Variants in IQCB1 observed in about 807,000 individuals in gnomAD.
The protein encoded by IQCB1 is IQ motif containing B1.
Under a neutral mutation model 84.4 loss-of-function variants are expected in IQCB1, and 56 were observed. That is an observed-to-expected ratio of 0.66 (90% CI 0.54 to 0.83). The LOEUF (loss-of-function observed/expected upper bound fraction) is 0.83, where lower values mean the gene tolerates loss of function less well. Ranked by LOEUF, IQCB1 falls within the 40% of genes least tolerant of loss-of-function variation. The pLI is 0.00. For synonymous variants in IQCB1, 210 were observed against 234.8 expected, an observed-to-expected ratio of 0.89 and a Z score of 0.96; for missense variants, 629 against 682.1, an observed-to-expected ratio of 0.92 and a Z score of 0.87.
chr3:121,828,476 A>T lies in IQCB1; in HGVS notation c.257T>A (p.Ile86Lys). The T allele has an allele frequency of 6.2e-7, 1 of 1,612,578 alleles. No individual in the cohort carries two copies. The highest frequency in any genetic ancestry group is 8.5e-7 in the Non-Finnish European group (1 of 1,178,714). ...GWTTISQLTQ[I>K]LSHCCVGLEP... Reference sequence around the variant, plus strand: ...ACTTACTGCTTTATTTTACCTTAATATCTGTGTAAGCTGGGAAATTGTAGT... The same window carrying T: ...ACTTACTGCTTTATTTTACCTTAATTTCTGTGTAAGCTGGGAAATTGTAGT... The change falls in exon 4 of 15, where the codon ATA becomes AAA. Residue 86 changes from isoleucine (I) to lysine (K), a missense_variant. Coordinates refer to ENST00000310864, the MANE Select transcript of IQCB1 (RefSeq NM_001023570.4).
chr3:121,782,822 G>C (rs937420135), intron 12 of IQCB1, among the ~76,000 whole-genome samples: 7 of 152,122 alleles, frequency 4.6e-5, no homozygotes, highest in African/African-American at 1.7e-4. Context: ...TGGGATTACA[G>C]GCATGCACCA....
At chr3:121,775,774 C>T (rs931591427) in intron 13 of IQCB1, among the ~76,000 whole-genome samples, 6 of 152,012 alleles carry the variant, frequency 3.9e-5, no homozygotes, top group African/African-American at 1.5e-4. Flanking sequence ...AAATAACATA[C>T]ACTAAACAAC....
chr3:121,826,637 T>C (rs1321460518), intron 4 of IQCB1, among the ~76,000 whole-genome samples: 2 of 152,144 alleles, frequency 1.3e-5, no homozygotes, highest in Non-Finnish European at 2.9e-5. Flanking sequence ...CATACCAATT[T>C]TACCTTCCAA....
In IQCB1 at chr3:121,799,277, T is replaced by C. The variant is rs2108571302; in HGVS notation, c.685A>G (p.Thr229Ala). ...FSTPSPVIRS[T>A]ATKLLLLMAE... is the part of the protein sequence containing the mutation. Reference sequence around the variant, plus strand: ...ATCAACAGTAGGAGTTTTGTAGCAGTACTTCTTATAACTGGACTAGGAGTT... The same window carrying C: ...ATCAACAGTAGGAGTTTTGTAGCAGCACTTCTTATAACTGGACTAGGAGTT... Residue 229 changes from threonine to alanine, a missense_variant, in exon 8 of 15, where the codon ACT becomes GCT. By Grantham distance (58) the Thr-to-Ala change is moderately conservative. Transcript: ENST00000310864. The C allele has an allele frequency of 6.2e-7, 1 of 1,609,582 alleles. No individual in the cohort carries two copies. The highest frequency in any genetic ancestry group is 1.3e-5 in the African/African-American group (1 of 74,876).
chr3:121,802,130 G>A (rs1949430691), intron 7 of IQCB1, among the ~76,000 whole-genome samples: 1 of 151,934 alleles, frequency 6.6e-6, no homozygotes, highest in Non-Finnish European at 1.5e-5. Flanking sequence ...TTGGTATCAG[G>A]ATAATGCTGA....
chr3:121,829,203 G>A (rs1950552608), intron 2 of IQCB1, among the ~76,000 whole-genome samples: 1 of 152,174 alleles, frequency 6.6e-6, no homozygotes, highest in Non-Finnish European at 1.5e-5. Flanking sequence ...AGCAGGTATT[G>A]TTTATTGTGC....
rs535851863 is a variant in IQCB1, at chr3:121,803,273, C to T, written c.588-3899G>A. On this transcript the variant is annotated intron_variant, in intron 7 of 14. Coordinates refer to ENST00000310864, the MANE Select transcript of IQCB1 (RefSeq NM_001023570.4). ...GTTTTGCCATGCTGCCCAGGCTGGT[C>T]TGGATCTCCTGGACTTAAGTGATCT... 8.5e-5 allele frequency among the ~76,000 whole-genome samples: 13 copies of T among 152,252 alleles called. No individual in the cohort carries two copies. The South Asian group carries it at 2.7e-3, about 32-fold the overall frequency.
chr3:121,813,147 G>C (rs1456167724), intron 5 of IQCB1, among the ~76,000 whole-genome samples: 1 of 152,286 alleles, frequency 6.6e-6, no homozygotes, highest in East Asian at 1.9e-4. Context: ...TTTCAACCTA[G>C]AATTTCATAT....
intron 12 of IQCB1, among the ~76,000 whole-genome samples, chr3:121,787,303 G>T (rs568627387): frequency 6.6e-6 from 1 of 152,058 alleles, no homozygotes; most frequent in East Asian, 1.9e-4. Flanking sequence ...AAATGCTATA[G>T]GACCTGAAAT....
At chr3:121,825,130 G>C (rs1950420117) in intron 5 of IQCB1, among the ~76,000 whole-genome samples, 1 of 142,802 alleles carries the variant, frequency 7.0e-6, no homozygotes, top group African/African-American at 2.6e-5. Context: ...GCACTATCTT[G>C]GCTCACTGCA....
At chr3:121,797,611 C>G (rs1017950218) in intron 8 of IQCB1, among the ~76,000 whole-genome samples, 1 of 151,778 alleles carries the variant, frequency 6.6e-6, no homozygotes, top group Admixed American at 6.6e-5. Flanking sequence ...ACTACAGACA[C>G]ATATTCAGTA....
chr3:121,791,732 C>A (rs190813878), intron 10 of IQCB1, among the ~76,000 whole-genome samples: 92 of 152,232 alleles, frequency 6.0e-4, no homozygotes, highest in East Asian at 2.5e-3. Flanking sequence ...TATCTCTTAC[C>A]CATTCATAGA....
At chr3:121,784,226 T>C (rs758209183) in intron 12 of IQCB1, among the ~76,000 whole-genome samples, 16 of 151,940 alleles carry the variant, frequency 1.1e-4, no homozygotes, top group Non-Finnish European at 2.1e-4. Flanking sequence ...CCTTTTTTTC[T>C]TTTTCTAATG....
intron 3 of IQCB1, 47 bp from the exon 4 acceptor site, chr3:121,828,679 C>G (rs75180600): frequency 7.4e-7 from 1 of 1,346,928 alleles, no homozygotes; most frequent in African/African-American, 1.5e-5. Flanking sequence ...TTAATACATC[C>G]AGGAGCTATT....
chr3:121,795,340 A>G, intron 10 of IQCB1, 117 bp downstream of exon 10: 2 of 726,218 alleles, frequency 2.8e-6, no homozygotes, highest in Non-Finnish European at 5.0e-6. Flanking sequence ...TATGGAAAAA[A>G]AATGAAAAGA....
intron 10 of IQCB1, among the ~76,000 whole-genome samples, chr3:121,792,661 CAAAAAAAA>C (rs56685889): frequency 1.2e-4 from 9 of 76,216 alleles, no homozygotes; most frequent in Admixed American, 7.9e-4. Flanking sequence ...GACTCCGTCT[CAAAAAAAA>C]AAAAAAAAAA....
intron 13 of IQCB1, among the ~76,000 whole-genome samples, chr3:121,776,472 T>C (rs1948233839): frequency 6.6e-6 from 1 of 152,266 alleles, no homozygotes; most frequent in African/African-American, 2.4e-5. Context: ...TTCCCCTAAG[T>C]GGTGACTCTG....
intron 13 of IQCB1, among the ~76,000 whole-genome samples, chr3:121,776,663 G>A (rs537142021): frequency 2.2e-4 from 33 of 152,160 alleles, no homozygotes; most frequent in Admixed American, 3.9e-4. Flanking sequence ...TCCCACCTTG[G>A]CCTCCCAAAG....
intron 13 of IQCB1, among the ~76,000 whole-genome samples, chr3:121,781,071 G>A (rs890626220): frequency 1.3e-5 from 2 of 152,212 alleles, no homozygotes; most frequent in Admixed American, 6.5e-5. Flanking sequence ...GGGAGAAGCA[G>A]TAAGAGAAAA....
Sources: gnomAD v4.1 joint callset for allele counts (sites outside exome capture counted in the v4.1 genomes callset) on GRCh38, gnomAD v4.1.1 for gene constraint, MANE v1.5 for transcripts, NCBI Gene and HGNC (gene_info 2026-07-23, HGNC 2026-07-21) for gene names.